Variants in CYP4F3 observed in about 807,000 individuals in gnomAD.
CYP4F3 encodes the protein cytochrome P450 4F3.
CYP4F3 carries 50 observed loss-of-function variants against 54.8 expected under a neutral mutation model. That is an observed-to-expected ratio of 0.91 (90% CI 0.73 to 1.16). The LOEUF (loss-of-function observed/expected upper bound fraction) is 1.16, where lower values mean the gene tolerates loss of function less well. Among genes scored for constraint, CYP4F3 ranks in the 50% most tolerant of loss-of-function variants. The pLI is 0.00. For synonymous variants in CYP4F3, 244 were observed against 262.6 expected (o/e 0.93, Z 0.69); for missense variants, 715 against 676.2 (o/e 1.06, Z -0.64).
intron 9 of CYP4F3, among the ~76,000 whole-genome samples, chr19:15,657,149 A>C (rs73009638): frequency 6.6e-6 from 1 of 152,014 alleles, no homozygotes; most frequent in South Asian, 2.1e-4. Context: ...TTTCCCATTA[A>C]TGTATATTTG....
intron 9 of CYP4F3, 93 bp downstream of exon 9, chr19:15,653,045 C>T: frequency 2.7e-6 from 4 of 1,497,258 alleles, no homozygotes; most frequent in Non-Finnish European, 3.6e-6. Flanking sequence ...TTTGTTGATT[C>T]TGCCACTATT....
At position 15,649,258 on chromosome 19, in the gene CYP4F3, C is replaced by G. The variant is rs1413276001; in HGVS notation, c.624C>G (p.Phe208Leu). The G allele has an allele frequency of 3.7e-6, 6 of 1,613,144 alleles. No homozygotes were observed. The highest frequency in any genetic ancestry group is 5.1e-6 in the Non-Finnish European group (6 of 1,179,462). Reference sequence around the variant, plus strand: ...TGGACAGTCTGCAGAAATGTGTCTTCAGCTTTGACAGCCATTGCCAGGAGT... The same window carrying G: ...TGGACAGTCTGCAGAAATGTGTCTTGAGCTTTGACAGCCATTGCCAGGAGT... ...MTLDSLQKCVFSFDSHCQEKP... is the reference protein window; with the variant it reads ...MTLDSLQKCVLSFDSHCQEKP... Residue 208 changes from phenylalanine to leucine, a missense_variant, in exon 6 of 13, where the codon TTC (phenylalanine) becomes TTG (leucine). By Grantham distance (22) the Phe-to-Leu change is conservative. Coordinates refer to ENST00000221307, the MANE Select transcript of CYP4F3 (RefSeq NM_000896.3).
In CYP4F3 at chr19:15,658,274, G is replaced by A; in HGVS notation, c.1126G>A (p.Ala376Thr). Residue 376 changes from alanine (A) to threonine (T), a missense_variant, in exon 10 of 13, where the codon GCC becomes ACC. Ala to Thr is a moderately conservative substitution (Grantham distance 58). Coordinates refer to ENST00000221307, the MANE Select transcript of CYP4F3 (RefSeq NM_000896.3). ...EPKEIEWDDL[A>T]QLPFLTMCIK... is the part of the protein sequence containing the mutation. ...GGGGTGTTTCCTTAGGGACGACCTG[G>A]CCCAGCTGCCCTTCCTGACCATGTG... 6.2e-7 allele frequency: 1 copy of A among 1,614,012 alleles called. No individual in the cohort carries two copies. Among genetic ancestry groups the A allele is most frequent in the South Asian group, 1.1e-5 (1 of 91,074 alleles).
intron 3 of CYP4F3, among the ~76,000 whole-genome samples, chr19:15,646,215 G>T (rs544870362): frequency 3.9e-5 from 6 of 152,202 alleles, no homozygotes; most frequent in African/African-American, 1.4e-4. Context: ...AGCTGGTCAT[G>T]TGTGGAGTTC....
rs1972749298 is a variant in CYP4F3, at chr19:15,650,102, T to C, written c.837T>C (p.Pro279=). The C allele has an allele frequency of 1.2e-6, 2 of 1,614,182 alleles. No individual in the cohort carries two copies. Among genetic ancestry groups the C allele is most frequent in the African/African-American group, 2.7e-5 (2 of 75,034 alleles). Reference sequence around the variant, plus strand: ...TCCAGGAGCGGCGCCGCACCCTCCCTAGCCAGGGTGTTGATGACTTCCTCC... The same window carrying C: ...TCCAGGAGCGGCGCCGCACCCTCCCCAGCCAGGGTGTTGATGACTTCCTCC... The part of the protein sequence containing the change: ...AVIQERRRTL[P]SQGVDDFLQA... Residue 279 remains proline, a synonymous_variant, in exon 7 of 13, where the codon CCT becomes CCC. Transcript: ENST00000221307.
At chr19:15,646,181 A>G (rs538749062) in intron 3 of CYP4F3, among the ~76,000 whole-genome samples, 1 of 152,210 alleles carries the variant, frequency 6.6e-6, no homozygotes, top group Non-Finnish European at 1.5e-5. Context: ...CATCTGGTAT[A>G]TCATTCCAAC....
chr19:15,642,579 C>T (rs1279446879), intron 2 of CYP4F3, among the ~76,000 whole-genome samples: 1 of 152,322 alleles, frequency 6.6e-6, no homozygotes, highest in East Asian at 1.9e-4. Flanking sequence ...ATATGCCCAC[C>T]TCTGGGCTGA....
At position 15,650,163 on chromosome 19, in the gene CYP4F3, G is replaced by T. The variant is rs753149678; in HGVS notation, c.898G>T (p.Asp300Tyr). The T allele has an allele frequency of 1.9e-6, 3 of 1,614,158 alleles. No homozygotes were observed. The highest frequency in any genetic ancestry group is 1.7e-6 in the Non-Finnish European group (2 of 1,180,026). Residue 300 changes from aspartate (D) to tyrosine (Y), a missense_variant, in exon 7 of 13, where the codon GAT becomes TAT. Transcript: ENST00000221307. ...CAAATCCAAGACTTTGGACTTCATT[G>T]ATGTACTCCTGCTGAGCAAGGTGGG... ...KAKSKTLDFI[D>Y]VLLLSKDEDG...
chr19:15,662,272 C>CAAAAAAAAAGAA lies in CYP4F3; in HGVS notation c.*2896_*2897insGAAAAAAAAAAA, dbSNP rs1973197714. ...GGTGAAAGAGCTAGATTCTCTCTCT[C>CAAAAAAAAAGAA]AAAAAAAAAAAAAAAAAAAAGGAAA... On this transcript the variant is annotated 3_prime_UTR_variant, in exon 13 of 13. Transcript: ENST00000221307. 1.4e-5 allele frequency: 1 copy of CAAAAAAAAAGAA among 73,706 alleles called. No homozygotes were observed. The highest frequency in any genetic ancestry group is 2.3e-5 in the Non-Finnish European group (1 of 43,774). 4.6% of individuals were successfully genotyped at this position (73,706 alleles called of 1,614,324 possible).
intron 7 of CYP4F3, 143 bp downstream of exon 7, chr19:15,650,326 T>C: frequency 1.3e-6 from 2 of 1,523,638 alleles, no homozygotes; most frequent in Non-Finnish European, 1.8e-6. Flanking sequence ...CAGAGATAGG[T>C]TTTGGAGATA....
At chr19:15,643,089 G>A (rs1039508003) in intron 2 of CYP4F3, among the ~76,000 whole-genome samples, 2 of 152,006 alleles carry the variant, frequency 1.3e-5, no homozygotes, top group Non-Finnish European at 2.9e-5. Flanking sequence ...TGGATGGATG[G>A]ATGGATGGAT....
chr19:15,651,303 G>A (rs1268937146), intron 7 of CYP4F3, among the ~76,000 whole-genome samples: 1 of 137,682 alleles, frequency 7.3e-6, no homozygotes, highest in Non-Finnish European at 1.6e-5. Flanking sequence ...CTCAGTGTAT[G>A]TCTATGTCCA....
rs1056061775 is a variant in CYP4F3, at chr19:15,662,625, A to G, written c.*3240A>G. 17 of 152,212 alleles carry G rather than the reference A, an allele frequency of 1.1e-4. No homozygotes were observed. The highest frequency in any genetic ancestry group is 3.4e-4 in the African/African-American group (14 of 41,438). The allele number at this position is 152,212 out of a possible 1,614,324, so 9.4% of individuals were successfully genotyped here. On this transcript the variant is annotated 3_prime_UTR_variant, in exon 13 of 13. Coordinates refer to ENST00000221307, the MANE Select transcript of CYP4F3 (RefSeq NM_000896.3). ...GGGATTTCTGTGAATCTATAGATCA[A>G]TCTGAGGAGACTTAATAATGATATT... is the stretch of plus-strand genomic sequence containing the variant.
intron 9 of CYP4F3, 61 bp downstream of exon 9, chr19:15,653,013 A>G: frequency 1.3e-6 from 2 of 1,538,504 alleles, no homozygotes; most frequent in Admixed American, 4.1e-5. Flanking sequence ...TTCCCCAGGT[A>G]GGGAGGGGAG....
At position 15,659,089 on chromosome 19, in the gene CYP4F3, G is replaced by T. The variant is rs577957080; in HGVS notation, c.1398-131G>T. On this transcript the variant is annotated intron_variant, in intron 12 of 12. Transcript: ENST00000221307. ...TATGCAAGCCCACATGGGGATCCAG[G>T]CACGGATACCCCCTTCTCTGTTCCT... 4.5e-6 allele frequency: 6 copies of T among 1,342,514 alleles called. No homozygotes were observed. The East Asian group carries it at 1.5e-4, about 34-fold the overall frequency. 83.2% of individuals were successfully genotyped at this position (1,342,514 alleles called of 1,614,324 possible).
chr19:15,642,751 G>A (rs1972501723), intron 2 of CYP4F3, among the ~76,000 whole-genome samples: 1 of 152,222 alleles, frequency 6.6e-6, no homozygotes, highest in South Asian at 2.1e-4. Context: ...TAGGTAATAG[G>A]ATAGATGGAT....
rs142036643 is a variant in CYP4F3 at position 15,658,382 on chromosome 19, C to T, written c.1234C>T (p.Arg412Trp). The T allele has an allele frequency of 1.2e-6, 2 of 1,614,004 alleles. No homozygotes were observed. The highest frequency in any genetic ancestry group is 1.3e-5 in the African/African-American group (1 of 75,026). Reference sequence around the variant, plus strand: ...CCAAGACATTGTGCTCCCAGACGGCCGGGTCATCCCCAAAGGTGCCACAGC... The same window carrying T: ...CCAAGACATTGTGCTCCCAGACGGCTGGGTCATCCCCAAAGGTGCCACAGC... ...CTQDIVLPDG[R>W]VIPKGIICLI... is the part of the protein sequence containing the mutation. The change falls in exon 10 of 13, where the codon CGG becomes TGG. Residue 412 changes from arginine (R) to tryptophan (W), a missense_variant. Coordinates refer to ENST00000221307, the MANE Select transcript of CYP4F3 (RefSeq NM_000896.3).
chr19:15,642,779 GGGTGAATAGATGGCTGGCT>G (rs1972502727), intron 2 of CYP4F3, among the ~76,000 whole-genome samples: 1 of 152,066 alleles, frequency 6.6e-6, no homozygotes, highest in Non-Finnish European at 1.5e-5. Context: ...TGCACAGATA[GGGTGAATAGATGGCTGGCT>G]GGCTGGATAA....
At chr19:15,651,000 C>T (rs1008815942) in intron 7 of CYP4F3, among the ~76,000 whole-genome samples, 27 of 150,980 alleles carry the variant, frequency 1.8e-4, no homozygotes, top group Middle Eastern at 6.8e-3. Flanking sequence ...CTCAGCCTCC[C>T]GAGTAGCTAG....
Sources: allele counts gnomAD v4.1 joint callset (sites outside exome capture counted in the v4.1 genomes callset), GRCh38; gene constraint gnomAD v4.1.1; transcripts MANE v1.5; gene names NCBI Gene and HGNC (gene_info 2026-07-23, HGNC 2026-07-21).